The following OSGEPL1 variants were observed in gnomAD, a reference collection of about 807,000 sequenced individuals.
OSGEPL1 encodes the protein O-sialoglycoprotein endopeptidase like 1, also known as tRNA N6-adenosine threonylcarbamoyltransferase, mitochondrial.
A neutral mutation model predicts 37.2 loss-of-function variants in OSGEPL1; 26 were observed. The observed-to-expected ratio is 0.70, with a 90% CI of 0.51 to 0.97. The LOEUF (loss-of-function observed/expected upper bound fraction) is 0.97, where lower values mean the gene tolerates loss of function less well. Among genes scored for constraint, OSGEPL1 ranks in the 50% least tolerant of loss-of-function variants. The probability of loss-of-function intolerance (pLI) is 0.00; values close to 1 mark genes in which losing one functional copy is unlikely to be tolerated. For synonymous variants in OSGEPL1, 140 were observed against 159.9 expected (o/e 0.88, Z 0.94); for missense variants, 404 against 487.0 (o/e 0.83, Z 1.60).
Position 189,762,788 on chromosome 2 carries a change from G to A in OSGEPL1, c.-124C>T, listed in dbSNP as rs1574951819. The A allele has an allele frequency of 2.0e-6, 2 of 985,518 alleles. No individual in the cohort carries two copies. The highest frequency in any genetic ancestry group is 2.4e-6 in the Non-Finnish European group (2 of 830,072). The allele number at this position is 985,518 out of a possible 1,614,324, so 61.0% of individuals were successfully genotyped here. ...GAAAGCCCGAACCTGGCGCCCGGAA[G>A]TGATGTCATCGGAACTGTGCAAGGT... On this transcript the variant is annotated 5_prime_UTR_variant, in exon 1 of 9. Transcript: ENST00000264151.
At position 189,755,327 on chromosome 2, in the gene OSGEPL1, G is replaced by A; in HGVS notation, c.455C>T (p.Ala152Val). 1.9e-6 allele frequency: 3 copies of A among 1,613,422 alleles called. No homozygotes were observed. The highest frequency in any genetic ancestry group is 1.7e-6 in the Non-Finnish European group (2 of 1,179,688). ...FIPIHHMEAHALTIRLTNKVE... is the reference protein window; with the variant it reads ...FIPIHHMEAHVLTIRLTNKVE... ...TTTATTGGTCAACCTAATAGTAAGT[G>A]CATGAGCCTCCATATGATGAATGGG... Residue 152 changes from alanine (A) to valine (V), a missense_variant, in exon 3 of 9, where the codon GCA (alanine) becomes GTA (valine). Transcript: ENST00000264151.
chr2:189,755,597 A>G lies in OSGEPL1; in HGVS notation c.222-37T>C, dbSNP rs570672168. The G allele has an allele frequency of 1.6e-5, 25 of 1,565,004 alleles. No homozygotes were observed. In the African/African-American group the frequency reaches 3.1e-4, roughly 19 times the overall value. On this transcript the variant is annotated intron_variant, in intron 2 of 8. Transcript: ENST00000264151. ...AAAGACAGCATTTTGTAGTTTTAAGATTGTAAAAATGAAGAAAAATGATAT... is the reference window on the plus strand; with the variant it reads ...AAAGACAGCATTTTGTAGTTTTAAGGTTGTAAAAATGAAGAAAAATGATAT...
At position 189,746,739 on chromosome 2, in the gene OSGEPL1, C is replaced by A; in HGVS notation, c.*458G>T. ...TGAATAATCTTTTTGAATGAAAGTT[C>A]TTGATCTCGATACTAAGCAGATTTT... On this transcript the variant is annotated 3_prime_UTR_variant, in exon 9 of 9. Coordinates refer to ENST00000264151, the MANE Select transcript of OSGEPL1 (RefSeq NM_022353.3). 1 of 1,165,188 alleles carries A rather than the reference C, an allele frequency of 8.6e-7. No individual in the cohort carries two copies. The highest frequency in any genetic ancestry group is 1.2e-6 in the Non-Finnish European group (1 of 862,052). The allele number at this position is 1,165,188 out of a possible 1,614,324, so 72.2% of individuals were successfully genotyped here. A position where few individuals can be genotyped will look rare whatever the true frequency, so the allele number is the denominator to read the frequency against.
upstream of OSGEPL1, chr2:189,763,171 CT>C: frequency 1.0e-6 from 1 of 985,184 alleles, no homozygotes; most frequent in Non-Finnish European, 1.2e-6. Context: ...GTACCTGATA[CT>C]TTCATCGGAG....
At chr2:189,749,612 G>T (rs767212539) in intron 8 of OSGEPL1, among the ~76,000 whole-genome samples, 12 of 151,980 alleles carry the variant, frequency 7.9e-5, no homozygotes, top group Non-Finnish European at 1.8e-4. Flanking sequence ...TCAAATAACT[G>T]ATGTGAAAGT....
intron 2 of OSGEPL1, among the ~76,000 whole-genome samples, chr2:189,756,261 C>T (rs2046067765): frequency 6.6e-6 from 1 of 152,014 alleles, no homozygotes; most frequent in Non-Finnish European, 1.5e-5. Flanking sequence ...ATTTTTGGTC[C>T]ATGTAGGATG....
At chr2:189,758,448 C>T (rs574972371) in intron 2 of OSGEPL1, among the ~76,000 whole-genome samples, 5 of 152,220 alleles carry the variant, frequency 3.3e-5, no homozygotes, top group African/African-American at 9.6e-5. Flanking sequence ...CCATGTAAGA[C>T]GCCTACTCCC....
In OSGEPL1 at chr2:189,755,336, T is replaced by A; in HGVS notation, c.446A>T (p.Glu149Val). ...KKPFIPIHHMEAHALTIRLTN... is the reference protein window; with the variant it reads ...KKPFIPIHHMVAHALTIRLTN... ...CAACCTAATAGTAAGTGCATGAGCCTCCATATGATGAATGGGAATGAATGG... is the reference window on the plus strand; with the variant it reads ...CAACCTAATAGTAAGTGCATGAGCCACCATATGATGAATGGGAATGAATGG... The change falls in exon 3 of 9, where the codon GAG becomes GTG. Residue 149 changes from glutamate to valine, a missense_variant. By Grantham distance (121) the Glu-to-Val change is moderately radical. Transcript: ENST00000264151. The A allele has an allele frequency of 6.2e-7, 1 of 1,613,354 alleles. No individual in the cohort carries two copies. Among genetic ancestry groups the A allele is most frequent in the African/African-American group, 1.3e-5 (1 of 75,000 alleles).
chr2:189,758,166 T>C (rs1204299217), intron 2 of OSGEPL1, among the ~76,000 whole-genome samples: 1 of 152,134 alleles, frequency 6.6e-6, no homozygotes, highest in Non-Finnish European at 1.5e-5. Flanking sequence ...GTGGATCACT[T>C]GAGGTCGGGA....
chr2:189,756,092 G>A (rs973543814), intron 2 of OSGEPL1, among the ~76,000 whole-genome samples: 10 of 152,248 alleles, frequency 6.6e-5, no homozygotes, highest in South Asian at 2.1e-4. Flanking sequence ...TGGAATGACC[G>A]GGAGAAAAGA....
intron 5 of OSGEPL1, 136 bp downstream of exon 5, chr2:189,753,780 T>A: frequency 2.1e-6 from 2 of 949,314 alleles, no homozygotes; most frequent in Non-Finnish European, 3.1e-6. Context: ...GTCTTTCCTA[T>A]CCTGCATAAT....
Position 189,753,987 on chromosome 2 carries a change from C to A in OSGEPL1, c.892G>T (p.Val298Leu). The A allele has an allele frequency of 6.2e-7, 1 of 1,613,798 alleles. No homozygotes were observed. The highest frequency in any genetic ancestry group is 8.5e-7 in the Non-Finnish European group (1 of 1,179,828). Residue 298 changes from valine to leucine, a missense_variant, in exon 5 of 9, where the codon GTG (valine) becomes TTG (leucine). Physicochemically the swap from Val to Leu is conservative, Grantham distance 32 (BLOSUM62 1). Coordinates refer to ENST00000264151, the MANE Select transcript of OSGEPL1 (RefSeq NM_022353.3). ...AGAATAGCCCGATGTGTTCTTTTCA[C>A]AAGATGACATGCCATTGTGTGCTGT... ...TVQHTMACHLVKRTHRAILFC... is the reference protein window; with the variant it reads ...TVQHTMACHLLKRTHRAILFC...
intron 2 of OSGEPL1, among the ~76,000 whole-genome samples, chr2:189,758,594 C>T (rs1235368662): frequency 3.3e-5 from 5 of 152,170 alleles, no homozygotes; most frequent in Non-Finnish European, 7.3e-5. Flanking sequence ...TCAGGTATTT[C>T]GTTATAGCAG....
Position 189,753,918 on chromosome 2 carries a change from G to T in OSGEPL1, c.961C>A (p.Leu321Met). 6.2e-7 allele frequency: 1 copy of T among 1,613,150 alleles called. No individual in the cohort carries two copies. The highest frequency in any genetic ancestry group is 8.5e-7 in the Non-Finnish European group (1 of 1,179,692). The change falls in exon 5 of 9, where the codon CTG (leucine) becomes ATG (methionine). Residue 321 changes from leucine to methionine, a missense_variant and splice_region_variant. Leu to Met is a conservative substitution (Grantham distance 15). Transcript: ENST00000264151. ...RDLLPQNNAV[L>M]VASGGVASNF... Reference sequence around the variant, plus strand: ...CTATAAAATGAGATAAAACTTACCAGTACTGCATTATTTTGAGGTAACAAG... The same window carrying T: ...CTATAAAATGAGATAAAACTTACCATTACTGCATTATTTTGAGGTAACAAG...
At chr2:189,748,836 G>A (rs2044597627) in intron 8 of OSGEPL1, among the ~76,000 whole-genome samples, 1 of 152,122 alleles carries the variant, frequency 6.6e-6, no homozygotes, top group Non-Finnish European at 1.5e-5. Flanking sequence ...CTATTTTCAG[G>A]TTATCAGAGT....
chr2:189,761,846 A>G (rs2047108043), intron 1 of OSGEPL1, among the ~76,000 whole-genome samples, 186 bp from the exon 2 acceptor site: 1 of 152,092 alleles, frequency 6.6e-6, no homozygotes, highest in African/African-American at 2.4e-5. Flanking sequence ...GGGGGAAAAC[A>G]GGGGTCAGAT....
chr2:189,757,987 TGTTGAAGATGGGGCCTG>T (rs2106044310), intron 2 of OSGEPL1, among the ~76,000 whole-genome samples: 1 of 152,316 alleles, frequency 6.6e-6, no homozygotes, highest in South Asian at 2.1e-4. Flanking sequence ...TAATTCCCAA[TGTTGAAGATGGGGCCTG>T]GTGGGAGATG....
intron 2 of OSGEPL1, among the ~76,000 whole-genome samples, chr2:189,759,312 G>A (rs1451985529): frequency 1.3e-5 from 2 of 151,490 alleles, no homozygotes; most frequent in African/African-American, 4.9e-5. Flanking sequence ...CCAATGGCGC[G>A]ATCTCTGCTC....
intron 2 of OSGEPL1, among the ~76,000 whole-genome samples, chr2:189,756,673 T>G (rs1304556989): frequency 6.6e-6 from 1 of 152,180 alleles, no homozygotes; most frequent in Non-Finnish European, 1.5e-5. Flanking sequence ...GGTTTCAAAG[T>G]TCATCTTTAC....
Sources: gnomAD v4.1 joint callset for allele counts (sites outside exome capture counted in the v4.1 genomes callset) on GRCh38, gnomAD v4.1.1 for gene constraint, MANE v1.5 for transcripts, NCBI Gene and HGNC (gene_info 2026-07-23, HGNC 2026-07-21) for gene names.